GNPAT: variants seen among roughly 807,000 people sequenced by gnomAD.
GNPAT encodes dihydroxyacetone phosphate acyltransferase.
In GNPAT, 30 loss-of-function variants were observed where a neutral mutation model predicts 78.4. That is an observed-to-expected ratio of 0.38 (90% CI 0.29 to 0.52). The LOEUF (loss-of-function observed/expected upper bound fraction) is 0.52. Ranked by LOEUF, GNPAT falls within the 20% of genes least tolerant of loss-of-function variation. The pLI, the probability that GNPAT is intolerant of heterozygous loss-of-function variation, is 0.84. For synonymous variants in GNPAT, 271 were observed against 281.1 expected (o/e 0.96, Z 0.36); for missense variants, 714 against 812.2 (o/e 0.88, Z 1.47).
chr1:231,245,484 C>T (rs1486057128), intron 1 of GNPAT, among the ~76,000 whole-genome samples: 1 of 152,020 alleles, frequency 6.6e-6, no homozygotes, highest in Non-Finnish European at 1.5e-5. Context: ...TGGTCTCAAA[C>T]GATTGATCCT....
chr1:231,259,676 A>G (rs1349545653), intron 2 of GNPAT, among the ~76,000 whole-genome samples: 5 of 151,600 alleles, frequency 3.3e-5, no homozygotes, highest in Non-Finnish European at 5.9e-5. Context: ...TTAATTTTAT[A>G]GTGTGTGAAT....
intron 9 of GNPAT, among the ~76,000 whole-genome samples, chr1:231,269,651 G>A (rs913543424): frequency 6.6e-6 from 1 of 152,160 alleles, no homozygotes; most frequent in African/African-American, 2.4e-5. Flanking sequence ...TGTTAATTAT[G>A]ATACAAGTAG....
chr1:231,264,533 T>C (rs1407131175), intron 4 of GNPAT, among the ~76,000 whole-genome samples: 4 of 152,214 alleles, frequency 2.6e-5, no homozygotes, highest in Non-Finnish European at 5.9e-5. Context: ...ATAAATGCAG[T>C]GAATGGTAAG....
In GNPAT at chr1:231,273,896, C is replaced by T. The variant is rs1193273215; in HGVS notation, c.1603-26C>T. 4 of 1,603,776 alleles carry T rather than the reference C, an allele frequency of 2.5e-6. No individual in the cohort carries two copies. The African/African-American group carries it at 4.0e-5, about 16-fold the overall frequency. The stretch of plus-strand genomic sequence containing the variant: ...CACTATACCCATTAACCTAGATGAA[C>T]ATTATGGCTTCCTCTTCCCTTCTAG... On this transcript the variant is annotated intron_variant, in intron 11 of 15. Coordinates refer to ENST00000366647, the MANE Select transcript of GNPAT (RefSeq NM_014236.4).
chr1:231,261,823 C>G (rs912353472), intron 3 of GNPAT, among the ~76,000 whole-genome samples: 9 of 152,190 alleles, frequency 5.9e-5, no homozygotes, highest in Non-Finnish European at 1.3e-4. Context: ...AAGCTCTTAA[C>G]TTCACTTGCC....
At position 231,262,743 on chromosome 1, in the gene GNPAT, G is replaced by A. The variant is rs751413331; in HGVS notation, c.459G>A (p.Glu153=). 4.3e-6 allele frequency: 7 copies of A among 1,609,638 alleles called. No homozygotes were observed. Among genetic ancestry groups the A allele is most frequent in the Non-Finnish European group, 6.0e-6 (7 of 1,175,972 alleles). The change falls in exon 4 of 16, where the codon GAG becomes GAA. Residue 153 remains glutamate (E), a synonymous_variant. Transcript: ENST00000366647. The part of the protein sequence containing the change: ...GIQKLQRAIQ[E]HPVVLLPSHR... ...TCAAGCTACAAAGAGCCATCCAGGAGCATCCTGTTGTTCTGCTGCCTAGTC... is the reference window on the plus strand; with the variant it reads ...TCAAGCTACAAAGAGCCATCCAGGAACATCCTGTTGTTCTGCTGCCTAGTC...
rs754879636 is a variant in GNPAT at position 231,262,745 on chromosome 1, A to C, written c.461A>C (p.His154Pro). Residue 154 changes from histidine (H) to proline (P), a missense_variant, in exon 4 of 16, where the codon CAT becomes CCT. Transcript: ENST00000366647. Reference protein sequence around the residue: ...IQKLQRAIQEHPVVLLPSHRS... With the variant: ...IQKLQRAIQEPPVVLLPSHRS... ...AAGCTACAAAGAGCCATCCAGGAGC[A>C]TCCTGTTGTTCTGCTGCCTAGTCAT... 1 of 1,610,200 alleles carries C rather than the reference A, an allele frequency of 6.2e-7. No homozygotes were observed. The highest frequency in any genetic ancestry group is 1.1e-5 in the South Asian group (1 of 90,994).
intron 15 of GNPAT, 115 bp downstream of exon 15, chr1:231,276,311 A>G: frequency 1.5e-6 from 1 of 673,918 alleles, no homozygotes; most frequent in South Asian, 1.6e-5. Context: ...GTAGAGTTCT[A>G]ACATAAAAGG....
chr1:231,262,258 A>C (rs1281721323), intron 3 of GNPAT, among the ~76,000 whole-genome samples: 2 of 152,122 alleles, frequency 1.3e-5, no homozygotes, highest in Non-Finnish European at 2.9e-5. Flanking sequence ...CTCTTACTAC[A>C]ACCAACCAAT....
chr1:231,275,330 T>G lies in GNPAT; in HGVS notation c.1843+10T>G. 1 of 1,595,508 alleles carries G rather than the reference T, an allele frequency of 6.3e-7. No homozygotes were observed. Among genetic ancestry groups the G allele is most frequent in the Non-Finnish European group, 8.6e-7 (1 of 1,162,872 alleles). On this transcript the variant is annotated intron_variant, in intron 13 of 15. Coordinates refer to ENST00000366647, the MANE Select transcript of GNPAT (RefSeq NM_014236.4). Reference sequence around the variant, plus strand: ...CAGCTTCTCGATCAAGGTCAGTCACTGCTCTGTGGGTGCTGATTTCTTTTA... The same window carrying G: ...CAGCTTCTCGATCAAGGTCAGTCACGGCTCTGTGGGTGCTGATTTCTTTTA...
At chr1:231,247,725 A>G (rs1045312679) in intron 1 of GNPAT, among the ~76,000 whole-genome samples, 1 of 152,206 alleles carries the variant, frequency 6.6e-6, no homozygotes, top group African/African-American at 2.4e-5. Flanking sequence ...GCATTCAGAT[A>G]TTTGAGAATG....
At chr1:231,266,546 G>A (rs1159560532) in intron 8 of GNPAT, 139 bp downstream of exon 8, 16 of 777,678 alleles carry the variant, frequency 2.1e-5, no homozygotes, top group Middle Eastern at 2.8e-4. Context: ...TTATCATTCC[G>A]TTTTCATCAG....
At chr1:231,252,919 G>A (rs1367485788) in intron 2 of GNPAT, among the ~76,000 whole-genome samples, 1 of 152,046 alleles carries the variant, frequency 6.6e-6, no homozygotes, top group East Asian at 1.9e-4. Context: ...CTCCGTTCAT[G>A]TTTAAGGCCT....
At chr1:231,254,651 T>TGTTAGTCAG (rs1684995806) in intron 2 of GNPAT, among the ~76,000 whole-genome samples, 2 of 151,774 alleles carry the variant, frequency 1.3e-5, no homozygotes, top group South Asian at 4.1e-4. Flanking sequence ...GGTTTCACCT[T>TGTTAGTCAG]GTTAGTCAGG....
chr1:231,255,647 C>G (rs551760397), intron 2 of GNPAT, among the ~76,000 whole-genome samples: 1 of 152,068 alleles, frequency 6.6e-6, no homozygotes, highest in Non-Finnish European at 1.5e-5. Context: ...GTTGCCCAGG[C>G]TGAGCTTGAA....
At chr1:231,272,464 A>T in intron 11 of GNPAT, 73 bp downstream of exon 11, 1 of 839,014 alleles carries the variant, frequency 1.2e-6, no homozygotes, top group Non-Finnish European at 2.1e-6. Flanking sequence ...GAATTCACAG[A>T]TGTGTCTCAG....
chr1:231,277,570 G>T lies in GNPAT; in HGVS notation c.*28G>T. 7.0e-7 allele frequency: 1 copy of T among 1,429,390 alleles called. No individual in the cohort carries two copies. The highest frequency in any genetic ancestry group is 9.9e-7 in the Non-Finnish European group (1 of 1,011,444). 88.5% of individuals were successfully genotyped at this position (1,429,390 alleles called of 1,614,324 possible). ...ATCAACAAATAGTTATGGAAAATTCGGTCACGTAATTACTCTCATCGAAGG... is the reference window on the plus strand; with the variant it reads ...ATCAACAAATAGTTATGGAAAATTCTGTCACGTAATTACTCTCATCGAAGG... On this transcript the variant is annotated 3_prime_UTR_variant, in exon 16 of 16. Transcript: ENST00000366647.
chr1:231,267,396 AC>A (rs1331814146), intron 8 of GNPAT, among the ~76,000 whole-genome samples: 1 of 152,226 alleles, frequency 6.6e-6, no homozygotes, highest in Non-Finnish European at 1.5e-5. Flanking sequence ...TCTCAGAGAA[AC>A]GATGTATCCT....
chr1:231,267,856 G>C lies in GNPAT; in HGVS notation c.1232G>C (p.Trp411Ser). The C allele has an allele frequency of 6.2e-7, 1 of 1,613,814 alleles. No individual in the cohort carries two copies. Among genetic ancestry groups the C allele is most frequent in the African/African-American group, 1.3e-5 (1 of 75,028 alleles). The change falls in exon 9 of 16, where the codon TGG becomes TCG. Residue 411 changes from tryptophan (W) to serine (S), a missense_variant. By Grantham distance (177) the Trp-to-Ser change is radical. Coordinates refer to ENST00000366647, the MANE Select transcript of GNPAT (RefSeq NM_014236.4). ...GATGCTCTGGTGGAAAAGACTTTATGGCTAAAAGGCTTAACCCAGGCATTT... is the reference window on the plus strand; with the variant it reads ...GATGCTCTGGTGGAAAAGACTTTATCGCTAAAAGGCTTAACCCAGGCATTT... ...DFDALVEKTL[W>S]LKGLTQAFGG...
Sources: gnomAD v4.1 joint callset for allele counts (sites outside exome capture counted in the v4.1 genomes callset) on GRCh38, gnomAD v4.1.1 for gene constraint, MANE v1.5 for transcripts, NCBI Gene and HGNC (gene_info 2026-07-23, HGNC 2026-07-21) for gene names.